Variants in MKX observed in about 807,000 individuals in gnomAD.
MKX encodes mohawk homeobox.
A neutral mutation model predicts 36.0 loss-of-function variants in MKX; 13 were observed. The observed-to-expected ratio is 0.36, with a 90% confidence interval of 0.24 to 0.57. MKX has a LOEUF of 0.57. Ranked by LOEUF, MKX falls within the 20% of genes least tolerant of loss-of-function variation. The probability of loss-of-function intolerance (pLI) is 0.79; values close to 1 mark genes in which losing one functional copy is unlikely to be tolerated. For synonymous variants in MKX, 176 were observed against 178.3 expected (o/e 0.99, Z 0.10); for missense variants, 458 against 456.4 (o/e 1.00, Z -0.03).
intron 5 of MKX, among the ~76,000 whole-genome samples, chr10:27,718,086 G>C (rs1564359701): frequency 6.6e-6 from 1 of 152,134 alleles, no homozygotes; most frequent in Non-Finnish European, 1.5e-5. Flanking sequence ...TCTGTGGTCA[G>C]TTCACCACTG....
In MKX at chr10:27,735,341, G is replaced by A; in HGVS notation, c.382C>T (p.Leu128Phe). 1 of 1,613,388 alleles carries A rather than the reference G, an allele frequency of 6.2e-7. No individual in the cohort carries two copies. The highest frequency in any genetic ancestry group is 1.3e-5 in the African/African-American group (1 of 74,992). Residue 128 changes from leucine to phenylalanine, a missense_variant, in exon 4 of 7, where the codon CTT (leucine) becomes TTT (phenylalanine). Physicochemically the swap from Leu to Phe is conservative, Grantham distance 22. Transcript: ENST00000419761. ...SNWFANARRR[L>F]KNTVRQPDLS... is the part of the protein sequence containing the mutation. Reference sequence around the variant, plus strand: ...TCTGGCTGTCGAACGGTATTCTTAAGCCGACGTCTTGCATTAGCAAACCAA... The same window carrying A: ...TCTGGCTGTCGAACGGTATTCTTAAACCGACGTCTTGCATTAGCAAACCAA...
chr10:27,716,471 T>G (rs975849937), intron 5 of MKX, among the ~76,000 whole-genome samples: 3 of 149,222 alleles, frequency 2.0e-5, no homozygotes, highest in Non-Finnish European at 3.0e-5. Context: ...AATTGCCTGA[T>G]GCTGGCCTGC....
chr10:27,724,159 C>T (rs1834436480), intron 5 of MKX, among the ~76,000 whole-genome samples: 1 of 152,038 alleles, frequency 6.6e-6, no homozygotes, highest in Non-Finnish European at 1.5e-5. Flanking sequence ...AAAAACAACA[C>T]ACACACAAAA....
intron 5 of MKX, among the ~76,000 whole-genome samples, chr10:27,711,842 T>A (rs548331151): frequency 6.6e-6 from 1 of 151,486 alleles, no homozygotes; most frequent in East Asian, 1.9e-4. Context: ...TGCTCTTGGG[T>A]GCTGGGATTA....
intron 5 of MKX, among the ~76,000 whole-genome samples, chr10:27,730,407 T>G (rs1589691162): frequency 6.6e-6 from 1 of 152,020 alleles, no homozygotes; most frequent in Non-Finnish European, 1.5e-5. Context: ...TAAAAATAAG[T>G]GAAGTAAAAT....
intron 5 of MKX, among the ~76,000 whole-genome samples, chr10:27,703,971 A>T (rs1393923063): frequency 6.6e-6 from 1 of 152,098 alleles, no homozygotes; most frequent in Non-Finnish European, 1.5e-5. Context: ...AGAAAAATAA[A>T]CTAAAAGACT....
intron 5 of MKX, among the ~76,000 whole-genome samples, chr10:27,685,791 C>T (rs1040992805): frequency 2.0e-5 from 3 of 152,124 alleles, no homozygotes; most frequent in Non-Finnish European, 2.9e-5. Context: ...TCCCTGTAAC[C>T]GCTCCTCTAT....
At chr10:27,714,009 CAA>C (rs10632508) in intron 5 of MKX, among the ~76,000 whole-genome samples, 19,402 of 102,538 alleles carry the variant, frequency 0.19, 1,652 homozygotes, top group East Asian at 0.32. Context: ...GTGCAAAGAC[CAA>C]AAAAAAAAAA....
intron 5 of MKX, among the ~76,000 whole-genome samples, chr10:27,724,354 T>A (rs1358954704): frequency 6.6e-6 from 1 of 152,120 alleles, no homozygotes; most frequent in African/African-American, 2.4e-5. Flanking sequence ...CTTAAGAGAA[T>A]CATGGCCACT....
chr10:27,710,847 T>C (rs1191618655), intron 5 of MKX, among the ~76,000 whole-genome samples: 2 of 151,930 alleles, frequency 1.3e-5, no homozygotes, highest in African/African-American at 4.8e-5. Flanking sequence ...TTAGTAGAGA[T>C]GGGGTTTCAC....
intron 5 of MKX, among the ~76,000 whole-genome samples, chr10:27,680,115 T>C (rs1057096962): frequency 7.2e-5 from 11 of 152,196 alleles, no homozygotes; most frequent in African/African-American, 2.7e-4. Context: ...TCCTGGTATG[T>C]AGACTCTTGA....
chr10:27,690,426 G>A (rs961696161), intron 5 of MKX, among the ~76,000 whole-genome samples: 3 of 150,628 alleles, frequency 2.0e-5, no homozygotes, highest in Non-Finnish European at 4.4e-5. Flanking sequence ...CTTTTGGGAG[G>A]AAAATAAAAA....
rs1554772224 is a variant in MKX at position 27,711,499 on chromosome 10, T to TCTTCCTTCCTTCC, written c.838+22956_838+22957insGGAAGGAAGGAAG. Among the ~76,000 whole-genome samples, 22 of 93,068 alleles carry TCTTCCTTCCTTCC rather than the reference T, an allele frequency of 2.4e-4. No individual in the cohort carries two copies. In the East Asian group the frequency reaches 4.0e-3, roughly 17 times the overall value. The allele number at this position is 93,068 out of a possible 152,430, so 61.1% of individuals were successfully genotyped here. A position where few individuals can be genotyped will look rare whatever the true frequency, so the allele number is the denominator to read the frequency against. Reference sequence around the variant, plus strand: ...TCTTTCTTTCTCTCTCTCTCTCTTCTTTCCTTCCTTCCTTCCTTCCTTCCT... The same window carrying TCTTCCTTCCTTCC: ...TCTTTCTTTCTCTCTCTCTCTCTTCTCTTCCTTCCTTCCTTCCTTCCTTCCTTCCTTCCTTCCT... On this transcript the variant is annotated intron_variant, in intron 5 of 6. Coordinates refer to ENST00000419761, the MANE Select transcript of MKX (RefSeq NM_173576.3).
At position 27,744,555 on chromosome 10, in the gene MKX, A is replaced by G. The variant is rs1835004014; in HGVS notation, c.-82-1058T>C. ...CGCGGAGCCGCAGAGTTACAGCCCC[A>G]AGGCGCGCGGCGGACTTCGCCCGCC... On this transcript the variant is annotated intron_variant, in intron 1 of 6. Coordinates refer to ENST00000419761, the MANE Select transcript of MKX (RefSeq NM_173576.3). This position sits in a 1 kb window ranked among gnomAD's most constrained non-coding sequence, Gnocchi z 5.6. Among the ~76,000 whole-genome samples, 1 of 151,936 alleles carries G rather than the reference A, an allele frequency of 6.6e-6. No homozygotes were observed. Among genetic ancestry groups the G allele is most frequent in the Admixed American group, 6.5e-5 (1 of 15,272 alleles).
At chr10:27,708,339 T>C (rs1836792775) in intron 5 of MKX, among the ~76,000 whole-genome samples, 1 of 152,220 alleles carries the variant, frequency 6.6e-6, no homozygotes, top group South Asian at 2.1e-4. Flanking sequence ...TTCTCCCGTA[T>C]ACCTAAGCCC....
chr10:27,732,279 G>A (rs1834648282), intron 5 of MKX, among the ~76,000 whole-genome samples: 1 of 152,058 alleles, frequency 6.6e-6, no homozygotes, highest in South Asian at 2.1e-4. Flanking sequence ...GATGTATTAA[G>A]TCATGTGTTT....
chr10:27,716,132 T>TG (rs1352868179), intron 5 of MKX, among the ~76,000 whole-genome samples: 2 of 152,162 alleles, frequency 1.3e-5, no homozygotes, highest in East Asian at 3.9e-4. Context: ...GATAGTAATA[T>TG]GTACATCACA....
At chr10:27,743,592 C>T (rs1834972166) in intron 1 of MKX, 95 bp from the exon 2 acceptor site, 1 of 671,982 alleles carries the variant, frequency 1.5e-6, no homozygotes, top group Non-Finnish European at 2.3e-6. Context: ...CGCCGGGCTG[C>T]GGAGCCGAGG....
At chr10:27,679,646 A>T (rs374084111) in intron 5 of MKX, among the ~76,000 whole-genome samples, 1 of 152,018 alleles carries the variant, frequency 6.6e-6, no homozygotes, top group Non-Finnish European at 1.5e-5. Context: ...GAAAGCAAGG[A>T]CTCTAAAGAT....
Sources: gnomAD v4.1 joint callset for allele counts (sites outside exome capture counted in the v4.1 genomes callset) on GRCh38, gnomAD v4.1.1 for gene constraint, Gnocchi (gnomAD v3.1) non-coding constraint, MANE v1.5 for transcripts, NCBI Gene and HGNC (gene_info 2026-07-23, HGNC 2026-07-21) for gene names.